Variants in ANKRD55 observed in about 807,000 individuals in gnomAD.
The protein encoded by ANKRD55 is ankyrin repeat domain 55.
In ANKRD55, 41 loss-of-function variants were observed where a neutral mutation model predicts 60.6. The observed-to-expected ratio is 0.68, with a 90% CI of 0.53 to 0.88. The LOEUF (loss-of-function observed/expected upper bound fraction) is 0.88. Among genes scored for constraint, ANKRD55 ranks in the 40% least tolerant of loss-of-function variants. The pLI is 0.00. For missense variants in ANKRD55, 732 were observed against 767.6 expected, an observed-to-expected ratio of 0.95 and a Z score of 0.55; for synonymous variants, 264 against 290.3, an observed-to-expected ratio of 0.91 and a Z score of 0.92.
At chr5:56,161,664 G>A (rs1017181177) in intron 5 of ANKRD55, among the ~76,000 whole-genome samples, 1 of 152,090 alleles carries the variant, frequency 6.6e-6, no homozygotes, top group Admixed American at 6.5e-5. Flanking sequence ...ATAATGCTGA[G>A]GTTTAATTCT....
chr5:56,168,886 T>G (rs1334124457), intron 5 of ANKRD55, among the ~76,000 whole-genome samples: 3 of 152,246 alleles, frequency 2.0e-5, no homozygotes, highest in Admixed American at 1.3e-4. Flanking sequence ...AGACGAAGTC[T>G]CACTTTGTCG....
chr5:56,112,783 CGT>C (rs1756772213), intron 9 of ANKRD55, among the ~76,000 whole-genome samples: 1 of 152,112 alleles, frequency 6.6e-6, no homozygotes, highest in Admixed American at 6.6e-5. Flanking sequence ...AAACCTGACC[CGT>C]GTGTGTGCCC....
intron 2 of ANKRD55, among the ~76,000 whole-genome samples, chr5:56,225,841 AAACAAATGGAAG>A (rs1561299671): frequency 6.6e-6 from 1 of 152,244 alleles, no homozygotes; most frequent in Non-Finnish European, 1.5e-5. Flanking sequence ...AAGAGGACAC[AAACAAATGGAAG>A]AACATTCCAT....
chr5:56,115,926 G>C (rs1168141045), intron 9 of ANKRD55, among the ~76,000 whole-genome samples: 2 of 151,690 alleles, frequency 1.3e-5, no homozygotes, highest in African/African-American at 4.8e-5. Context: ...GTGATCTCGG[G>C]TCACTGCAAA....
At chr5:56,105,861 A>G (rs533920935) in intron 10 of ANKRD55, among the ~76,000 whole-genome samples, 2 of 152,370 alleles carry the variant, frequency 1.3e-5, no homozygotes, top group South Asian at 4.1e-4. Context: ...TCTCTTTTGC[A>G]GGAGAAAGGA....
intron 2 of ANKRD55, among the ~76,000 whole-genome samples, chr5:56,227,245 A>G (rs1581034737): frequency 6.6e-6 from 1 of 150,994 alleles, no homozygotes; most frequent in East Asian, 2.0e-4. Flanking sequence ...AGGACAGAAA[A>G]CCAAACACCA....
chr5:56,219,932 A>G (rs1042715729), intron 2 of ANKRD55, among the ~76,000 whole-genome samples: 1 of 152,250 alleles, frequency 6.6e-6, no homozygotes, highest in Non-Finnish European at 1.5e-5. Context: ...AAATCCATGA[A>G]TATCAGGTAC....
chr5:56,113,011 C>CAG (rs770330702), intron 9 of ANKRD55, among the ~76,000 whole-genome samples: 2 of 152,052 alleles, frequency 1.3e-5, no homozygotes, highest in East Asian at 3.9e-4. Flanking sequence ...CTAATACCAC[C>CAG]AGAGAGAGAG....
intron 3 of ANKRD55, among the ~76,000 whole-genome samples, chr5:56,181,753 C>T (rs1758853397): frequency 6.6e-6 from 1 of 152,182 alleles, no homozygotes; most frequent in Non-Finnish European, 1.5e-5. Flanking sequence ...CCGTACCCAG[C>T]TAATTTTTGT....
intron 2 of ANKRD55, chr5:56,192,991 T>G (rs1247662672): frequency 3.3e-6 from 3 of 909,134 alleles, no homozygotes; most frequent in African/African-American, 3.4e-5. Context: ...GGAAAACAAT[T>G]AAACCTTTTC....
intron 7 of ANKRD55, among the ~76,000 whole-genome samples, chr5:56,141,696 T>C (rs1047434501): frequency 3.3e-5 from 5 of 152,290 alleles, no homozygotes; most frequent in African/African-American, 1.2e-4. Flanking sequence ...TCTGTTCATC[T>C]TCATCCTTTG....
At chr5:56,123,294 G>A (rs1334450301) in intron 8 of ANKRD55, among the ~76,000 whole-genome samples, 1 of 152,110 alleles carries the variant, frequency 6.6e-6, no homozygotes, top group African/African-American at 2.4e-5. Flanking sequence ...TCTGTGAACG[G>A]GGTTGGACAT....
chr5:56,180,963 C>G (rs1369903899), intron 3 of ANKRD55, among the ~76,000 whole-genome samples: 2 of 152,108 alleles, frequency 1.3e-5, no homozygotes, highest in Non-Finnish European at 2.9e-5. Flanking sequence ...CTTTGGGAGG[C>G]CAAGGTGGGA....
chr5:56,152,028 A>G (rs1321700408), intron 6 of ANKRD55, among the ~76,000 whole-genome samples: 1 of 148,486 alleles, frequency 6.7e-6, no homozygotes, highest in Non-Finnish European at 1.5e-5. Flanking sequence ...CAAAGATAAA[A>G]AAAGGCATGG....
intron 2 of ANKRD55, among the ~76,000 whole-genome samples, chr5:56,219,801 A>C (rs73118064): frequency 0.034 from 5,100 of 152,228 alleles, 286 homozygotes; most frequent in African/African-American, 0.12. Flanking sequence ...GATGAGTGAG[A>C]TGTTTGTCTC....
chr5:56,215,735 G>T (rs1759789072), intron 2 of ANKRD55, among the ~76,000 whole-genome samples: 1 of 152,156 alleles, frequency 6.6e-6, no homozygotes, highest in Non-Finnish European at 1.5e-5. Context: ...ACCTCAGATG[G>T]ACTAAAAATG....
intron 2 of ANKRD55, among the ~76,000 whole-genome samples, chr5:56,197,100 A>T (rs1188218474): frequency 2.0e-5 from 3 of 152,196 alleles, no homozygotes; most frequent in Non-Finnish European, 4.4e-5. Flanking sequence ...CACACTGAAG[A>T]TTACTGCCCC....
At position 56,100,289 on chromosome 5, in the gene ANKRD55, G is replaced by A. The variant is rs1224529276; in HGVS notation, c.1739C>T (p.Pro580Leu). 1 of 1,614,094 alleles carries A rather than the reference G, an allele frequency of 6.2e-7. No individual in the cohort carries two copies. The highest frequency in any genetic ancestry group is 1.7e-5 in the Admixed American group (1 of 60,014). Residue 580 changes from proline (P) to leucine (L), a missense_variant, in exon 12 of 12, where the codon CCT becomes CTT. This residue lies in a region of ANKRD55 where 597 missense variants were observed against 607.5 expected (regional missense o/e 0.98). Transcript: ENST00000341048. ...AGGAAGCACTCGGTTTGTCCGCAGA[G>A]GTTCTCCAGATAGAACTGGGAAGAA... is the stretch of plus-strand genomic sequence containing the variant. ...LPDQKFLSGE[P>L]LRTNRVLPAI...
At chr5:56,166,166 C>CT (rs1561277930) in intron 5 of ANKRD55, among the ~76,000 whole-genome samples, 12 of 92,430 alleles carry the variant, frequency 1.3e-4, no homozygotes, top group African/African-American at 7.7e-4. Flanking sequence ...TCTTTCCTTC[C>CT]TTCCTTCCTT....
Sources: allele counts gnomAD v4.1 joint callset (sites outside exome capture counted in the v4.1 genomes callset), GRCh38; gene constraint gnomAD v4.1.1; regional missense constraint gnomAD v4.1.1; transcripts MANE v1.5; gene names NCBI Gene and HGNC (gene_info 2026-07-23, HGNC 2026-07-21).